KLHL2: variants seen among roughly 807,000 people sequenced by gnomAD.
The protein encoded by KLHL2 is kelch-like protein 2.
In KLHL2, 15 loss-of-function variants were observed where a neutral mutation model predicts 75.8. The observed-to-expected ratio is 0.20, with a 90% confidence interval of 0.13 to 0.30. KLHL2 has a LOEUF of 0.30. KLHL2 is among the 10% of genes least tolerant of loss of function. The probability of loss-of-function intolerance (pLI) is 1.00; values close to 1 mark genes in which losing one functional copy is unlikely to be tolerated. For missense variants in KLHL2, 381 were observed against 741.0 expected (o/e 0.51, Z 5.64); for synonymous variants, 214 against 251.9 (o/e 0.85, Z 1.42).
At chr4:165,245,221 CAAA>C (rs917717400) in intron 4 of KLHL2, among the ~76,000 whole-genome samples, 1 of 151,378 alleles carries the variant, frequency 6.6e-6, no homozygotes, top group African/African-American at 2.4e-5. Context: ...ATAACAACAA[CAAA>C]AAAAACTGAG....
intron 3 of KLHL2, among the ~76,000 whole-genome samples, chr4:165,233,241 C>G (rs1020064794): frequency 7.2e-5 from 11 of 152,132 alleles, no homozygotes; most frequent in Non-Finnish European, 1.0e-4. Flanking sequence ...AAGTATGGGC[C>G]TATTTAGAGC....
At chr4:165,288,987 A>G (rs1444346064) in intron 5 of KLHL2, among the ~76,000 whole-genome samples, 2 of 152,170 alleles carry the variant, frequency 1.3e-5, no homozygotes, top group African/African-American at 2.4e-5. Flanking sequence ...GATTGGCATC[A>G]AGAACATATA....
Position 165,317,923 on chromosome 4 carries a change from A to G in KLHL2, c.1707A>G (p.Lys569=). The change falls in exon 14 of 15, where the codon AAA becomes AAG. Residue 569 remains lysine (K), a synonymous_variant. Transcript: ENST00000226725. ...SVEYYNPTTD[K]WTVVSSCMST... is the part of the protein sequence containing the mutation. ...AATATTATAACCCAACAACCGATAA[A>G]TGGACAGTTGTGTCATCGTGTATGA... is the stretch of plus-strand genomic sequence containing the variant. 6.2e-7 allele frequency: 1 copy of G among 1,613,966 alleles called. No individual in the cohort carries two copies. The highest frequency in any genetic ancestry group is 8.5e-7 in the Non-Finnish European group (1 of 1,179,880).
intron 4 of KLHL2, among the ~76,000 whole-genome samples, chr4:165,250,642 C>G (rs1034546583): frequency 2.0e-5 from 3 of 152,104 alleles, no homozygotes; most frequent in African/African-American, 7.2e-5. Context: ...GCATTGAAAT[C>G]GTGTAAAAAT....
At chr4:165,306,993 C>T (rs1210043005) in intron 9 of KLHL2, among the ~76,000 whole-genome samples, 2 of 152,072 alleles carry the variant, frequency 1.3e-5, no homozygotes, top group Non-Finnish European at 2.9e-5. Context: ...TGTGTGTATA[C>T]ACACACAAAC....
At position 165,313,258 on chromosome 4, in the gene KLHL2, G is replaced by A; in HGVS notation, c.1360G>A (p.Gly454Ser). The stretch of plus-strand genomic sequence containing the variant: ...TGTAGGTTTGCTCTATGCTGTAGGA[G>A]GTTATGATGGAGCATCACGTCAGTG... ...VVGGLLYAVG[G>S]YDGASRQCLS... Residue 454 changes from glycine (G) to serine (S), a missense_variant, in exon 12 of 15, where the codon GGT becomes AGT. By Grantham distance (56) the Gly-to-Ser change is moderately conservative (BLOSUM62 0). Transcript: ENST00000226725. 2 of 1,610,622 alleles carry A rather than the reference G, an allele frequency of 1.2e-6. No individual in the cohort carries two copies. Among genetic ancestry groups the A allele is most frequent in the Non-Finnish European group, 1.7e-6 (2 of 1,178,562 alleles).
At chr4:165,208,009 G>C in intron 1 of KLHL2, 107 bp downstream of exon 1, 1 of 751,108 alleles carries the variant, frequency 1.3e-6, no homozygotes, top group African/African-American at 1.9e-5. Flanking sequence ...GGGCCGGCGG[G>C]AGGTGGGAGA....
At chr4:165,256,936 C>T (rs540618672) in intron 4 of KLHL2, among the ~76,000 whole-genome samples, 1 of 151,986 alleles carries the variant, frequency 6.6e-6, no homozygotes, top group Non-Finnish European at 1.5e-5. Context: ...AACATTTTTC[C>T]AAGTCATTAA....
rs543405723 is a variant in KLHL2 at position 165,301,947 on chromosome 4, T to TA, written c.921+2292dup. Reference sequence around the variant, plus strand: ...TCTCGGTAAAAGCCTATCAAGTACTTACTTTCTCTTTTGTGGTGTTGTGTT... The same window carrying TA: ...TCTCGGTAAAAGCCTATCAAGTACTTAACTTTCTCTTTTGTGGTGTTGTGTT... On this transcript the variant is annotated intron_variant, in intron 8 of 14. Transcript: ENST00000226725. Among the ~76,000 whole-genome samples the TA allele has an allele frequency of 2.2e-3, 340 of 152,326 alleles. 3 individuals are homozygous for TA. The highest frequency in any genetic ancestry group is 7.9e-3 in the African/African-American group (327 of 41,574).
At chr4:165,306,563 C>T (rs1231813956) in intron 9 of KLHL2, among the ~76,000 whole-genome samples, 1 of 152,210 alleles carries the variant, frequency 6.6e-6, no homozygotes, top group African/African-American at 2.4e-5. Context: ...ATTACTCCCA[C>T]TAACAGTAAA....
At position 165,217,142 on chromosome 4, in the gene KLHL2, C is replaced by T. The variant is rs1737601204; in HGVS notation, c.27-2792C>T. On this transcript the variant is annotated intron_variant, in intron 1 of 14. Transcript: ENST00000226725. ...CTTTTATGATAGTTTTGCTAATCCT[C>T]AGTATAACATTCTTCCTTTGTTGCA... 3.3e-5 allele frequency among the ~76,000 whole-genome samples: 5 copies of T among 152,164 alleles called. 1 individual carries two copies. The South Asian group carries it at 1.0e-3, about 32-fold the overall frequency.
intron 1 of KLHL2, among the ~76,000 whole-genome samples, chr4:165,213,241 C>G (rs1737321027): frequency 6.6e-6 from 1 of 152,204 alleles, no homozygotes; most frequent in South Asian, 2.1e-4. Flanking sequence ...CACTGGTCTT[C>G]TATTGAGCTC....
At position 165,230,255 on chromosome 4, in the gene KLHL2, G is replaced by A. The variant is rs192145778; in HGVS notation, c.259+1342G>A. The stretch of plus-strand genomic sequence containing the variant: ...TTTAGGAATTACCTTGTAAAGTGCT[G>A]TCCCCTTGGTGGCCTTCCTTCAGAT... On this transcript the variant is annotated intron_variant, in intron 3 of 14. Transcript: ENST00000226725. Among the ~76,000 whole-genome samples the A allele has an allele frequency of 3.9e-5, 6 of 152,310 alleles. No individual in the cohort carries two copies. In the East Asian group the frequency reaches 1.2e-3, roughly 29 times the overall value.
chr4:165,313,107 C>T (rs1746333496), intron 11 of KLHL2, 131 bp from the exon 12 acceptor site: 2 of 793,218 alleles, frequency 2.5e-6, no homozygotes, highest in African/African-American at 3.6e-5. Context: ...TCATAAAAAT[C>T]AGCAGCACTT....
At chr4:165,316,976 T>G (rs1401358291) in intron 13 of KLHL2, among the ~76,000 whole-genome samples, 1 of 152,172 alleles carries the variant, frequency 6.6e-6, no homozygotes, top group Non-Finnish European at 1.5e-5. Context: ...TTAATGGTCA[T>G]TATTCTAAGA....
rs760103727 is a variant in KLHL2, at chr4:165,310,508, A to G, written c.1040-45A>G. 2.8e-5 allele frequency: 41 copies of G among 1,469,416 alleles called. No homozygotes were observed. The South Asian group carries it at 4.4e-4, about 16-fold the overall frequency. The allele number at this position is 1,469,416 out of a possible 1,614,324, so 91.0% of individuals were successfully genotyped here. ...AAAGCAATCTTTGGATATTGGTGGT[A>G]GTTGAGTTGCATGTTGATCATTAAA... On this transcript the variant is annotated intron_variant, in intron 9 of 14. Coordinates refer to ENST00000226725, the MANE Select transcript of KLHL2 (RefSeq NM_007246.4).
intron 3 of KLHL2, among the ~76,000 whole-genome samples, chr4:165,235,125 A>G (rs1256882761): frequency 6.6e-6 from 1 of 152,254 alleles, no homozygotes; most frequent in Non-Finnish European, 1.5e-5. Flanking sequence ...GTTTAAGACT[A>G]ATTTTAAAGT....
chr4:165,251,619 T>G (rs1454127974), intron 4 of KLHL2, among the ~76,000 whole-genome samples: 1 of 149,588 alleles, frequency 6.7e-6, no homozygotes, highest in Non-Finnish European at 1.5e-5. Flanking sequence ...TTTTTTGTTT[T>G]TTTTTTTTGA....
At chr4:165,255,483 G>C (rs1201904615) in intron 4 of KLHL2, among the ~76,000 whole-genome samples, 1 of 151,958 alleles carries the variant, frequency 6.6e-6, no homozygotes, top group Non-Finnish European at 1.5e-5. Context: ...GGTTGCATGT[G>C]GGGTACAGGA....
Sources: gnomAD v4.1 joint callset for allele counts (sites outside exome capture counted in the v4.1 genomes callset) on GRCh38, gnomAD v4.1.1 for gene constraint, MANE v1.5 for transcripts, NCBI Gene and HGNC (gene_info 2026-07-23, HGNC 2026-07-21) for gene names.